SCAF4: variants seen among roughly 807,000 people sequenced by gnomAD.
SCAF4 encodes SR-related CTD associated factor 4.
A neutral mutation model predicts 129.8 loss-of-function variants in SCAF4; 25 were observed. The observed-to-expected ratio is 0.19, with a 90% CI of 0.14 to 0.27. The LOEUF is 0.27. SCAF4 is among the 10% of genes least tolerant of loss of function. The pLI is 1.00. For synonymous variants in SCAF4, 551 were observed against 497.7 expected, an observed-to-expected ratio of 1.11 and a Z score of -1.43; for missense variants, 1,246 against 1,457.1, an observed-to-expected ratio of 0.86 and a Z score of 2.36.
intron 3 of SCAF4, 104 bp downstream of exon 3, chr21:31,705,319 A>T: frequency 1.7e-6 from 1 of 573,818 alleles, no homozygotes; most frequent in Non-Finnish European, 3.0e-6. Context: ...CTAGTGACTA[A>T]ATTTTTATGA....
chr21:31,712,188 T>G (rs1211491418), intron 1 of SCAF4, among the ~76,000 whole-genome samples: 16 of 151,732 alleles, frequency 1.1e-4, no homozygotes, highest in Non-Finnish European at 2.2e-4. Flanking sequence ...CTGTTGCCAG[T>G]TCTGCTGAGT....
At chr21:31,675,537 C>T (rs2049831593) in intron 19 of SCAF4, among the ~76,000 whole-genome samples, 2 of 152,062 alleles carry the variant, frequency 1.3e-5, no homozygotes, top group Admixed American at 6.6e-5. Context: ...CTTAACTGAG[C>T]GGATGCAGCT....
In SCAF4 at chr21:31,671,125, ATAG is replaced by A. The variant is rs1197079564; in HGVS notation, c.*271_*273del. 352 of 292,920 alleles carry A rather than the reference ATAG, an allele frequency of 1.2e-3. No homozygotes were observed. The highest frequency in any genetic ancestry group is 2.1e-3 in the South Asian group (18 of 8,452). The allele number at this position is 292,920 out of a possible 1,614,324, so 18.1% of individuals were successfully genotyped here. ...TCTTAAATTAAAAAAAAAAAAAAAA[ATAG>A]AGAGCACTTCTAATTACGATTTGTA... On this transcript the variant is annotated 3_prime_UTR_variant, in exon 20 of 20. Transcript: ENST00000286835.
At chr21:31,720,419 A>C (rs181867627) in intron 1 of SCAF4, among the ~76,000 whole-genome samples, 99 of 152,332 alleles carry the variant, frequency 6.5e-4, no homozygotes, top group African/African-American at 2.3e-3. Flanking sequence ...AAGTCCTTCC[A>C]AAAGTACACA....
intron 9 of SCAF4, among the ~76,000 whole-genome samples, chr21:31,695,394 AT>A (rs2050360117): frequency 6.6e-6 from 1 of 152,194 alleles, no homozygotes; most frequent in African/African-American, 2.4e-5. Flanking sequence ...TTAAAAAAAA[AT>A]AACCAAGGGG....
intron 19 of SCAF4, among the ~76,000 whole-genome samples, chr21:31,679,715 TA>T (rs1187762209): frequency 6.6e-6 from 1 of 152,226 alleles, no homozygotes; most frequent in African/African-American, 2.4e-5. Context: ...CATAAGGGTA[TA>T]TTTTGATAAC....
At chr21:31,692,541 T>C (rs1212791552) in intron 12 of SCAF4, 92 bp from the exon 13 acceptor site, 2 of 791,240 alleles carry the variant, frequency 2.5e-6, no homozygotes, top group East Asian at 2.7e-5. Context: ...AAAATATTCA[T>C]GAACTATATT....
intron 13 of SCAF4, 85 bp from the exon 14 acceptor site, chr21:31,692,015 C>A: frequency 2.9e-6 from 2 of 688,388 alleles, no homozygotes; most frequent in Non-Finnish European, 2.5e-6. Flanking sequence ...TTCCAACAAT[C>A]CCATCCCTCA....
intron 4 of SCAF4, 129 bp from the exon 5 acceptor site, chr21:31,702,508 G>GA (rs60360895): frequency 0.019 from 11,466 of 597,214 alleles, no homozygotes; most frequent in South Asian, 0.027. Flanking sequence ...CATAAACAAG[G>GA]AAAAAAAAAA....
At chr21:31,716,164 CT>C (rs59509022) in intron 1 of SCAF4, among the ~76,000 whole-genome samples, 2,351 of 152,204 alleles carry the variant, frequency 0.015, 63 homozygotes, top group African/African-American at 0.054. Flanking sequence ...CTTTCTGAAT[CT>C]TTCTCAATGG....
At chr21:31,705,348 A>C in intron 3 of SCAF4, 75 bp downstream of exon 3, 1 of 701,560 alleles carries the variant, frequency 1.4e-6, no homozygotes, top group South Asian at 2.0e-5. Flanking sequence ...AGAAACAAGC[A>C]TTGAGATTAA....
chr21:31,718,546 T>C (rs2050994401), intron 1 of SCAF4, among the ~76,000 whole-genome samples: 1 of 152,168 alleles, frequency 6.6e-6, no homozygotes, highest in African/African-American at 2.4e-5. Flanking sequence ...TTTGCCAGTC[T>C]CAGCCTCCCA....
At position 31,703,264 on chromosome 21, in the gene SCAF4, C is replaced by G. The variant is rs367897344; in HGVS notation, c.321+501G>C. Among the ~76,000 whole-genome samples the G allele has an allele frequency of 7.9e-5, 12 of 152,054 alleles. No homozygotes were observed. The East Asian group carries it at 9.6e-4, about 12-fold the overall frequency. ...ACTCAACTACACAAGCACATCTTTC[C>G]AACGATATCTTCTTTAAAGATGATG... On this transcript the variant is annotated intron_variant, in intron 4 of 19. Coordinates refer to ENST00000286835, the MANE Select transcript of SCAF4 (RefSeq NM_020706.2).
At position 31,688,468 on chromosome 21, in the gene SCAF4, T is replaced by C; in HGVS notation, c.1886-4A>G. On this transcript the variant is annotated splice_polypyrimidine_tract_variant and splice_region_variant and intron_variant, in intron 15 of 19. Transcript: ENST00000286835. ...TTCTTAGGAATTCCTTTCCAATCTG[T>C]GAGCGTGAAAGAAATTTAACAAGAG... 1 of 1,611,800 alleles carries C rather than the reference T, an allele frequency of 6.2e-7. No homozygotes were observed. The highest frequency in any genetic ancestry group is 8.5e-7 in the Non-Finnish European group (1 of 1,178,540).
At chr21:31,698,745 G>A (rs1235195236) in intron 7 of SCAF4, among the ~76,000 whole-genome samples, 1 of 152,178 alleles carries the variant, frequency 6.6e-6, no homozygotes, top group African/African-American at 2.4e-5. Flanking sequence ...CAGTGCAACA[G>A]AGAAACCCTG....
intron 1 of SCAF4, among the ~76,000 whole-genome samples, chr21:31,730,989 T>C (rs1568874152): frequency 6.6e-6 from 1 of 152,194 alleles, no homozygotes; most frequent in Non-Finnish European, 1.5e-5. Context: ...TTCAACTTTT[T>C]AGGCGTCACG....
In SCAF4 at chr21:31,694,964, T is replaced by C; in HGVS notation, c.1085A>G (p.Asn362Ser). 1 of 1,613,866 alleles carries C rather than the reference T, an allele frequency of 6.2e-7. No individual in the cohort carries two copies. Among genetic ancestry groups the C allele is most frequent in the Non-Finnish European group, 8.5e-7 (1 of 1,179,828 alleles). Reference protein sequence around the residue: ...PMHHQVPLPPNGQMPGFGLLP... With the variant: ...PMHHQVPLPPSGQMPGFGLLP... ...AAGTCCAAATCCTGGCATTTGTCCA[T>C]TAGGAGGAAGTGGAACCTTTCATTT... The change falls in exon 10 of 20, where the codon AAT becomes AGT. Residue 362 changes from asparagine to serine, a missense_variant. Transcript: ENST00000286835.
rs762290306 is a variant in SCAF4, at chr21:31,703,881, T to C, written c.205A>G (p.Ile69Val). Residue 69 changes from isoleucine (I) to valine (V), a missense_variant, in exon 4 of 20, where the codon ATT (isoleucine) becomes GTT (valine). Coordinates refer to ENST00000286835, the MANE Select transcript of SCAF4 (RefSeq NM_020706.2). ...KVPGLYVIDS[I>V]VRQSRHQFGT... ...AACTGATGACGAGACTGTCGCACAA[T>C]TGAGTCAATTACATATAATCCCGGA... 7 of 1,596,598 alleles carry C rather than the reference T, an allele frequency of 4.4e-6. No homozygotes were observed. Among genetic ancestry groups the C allele is most frequent in the African/African-American group, 1.3e-5 (1 of 74,738 alleles).
Position 31,701,016 on chromosome 21 carries a change from T to C in SCAF4, c.756A>G (p.Glu252=), listed in dbSNP as rs781219794. 6 of 1,613,944 alleles carry C rather than the reference T, an allele frequency of 3.7e-6. No individual in the cohort carries two copies. The highest frequency in any genetic ancestry group is 3.3e-5 in the Admixed American group (2 of 59,988). The change falls in exon 7 of 20, where the codon GAA becomes GAG. Residue 252 remains glutamate, a synonymous_variant. Coordinates refer to ENST00000286835, the MANE Select transcript of SCAF4 (RefSeq NM_020706.2). ...ATACCTTGTCAAATGCAGTTTTCTGTTCAGGTGGGGGGAAAGCAGCTTTTT... is the reference window on the plus strand; with the variant it reads ...ATACCTTGTCAAATGCAGTTTTCTGCTCAGGTGGGGGGAAAGCAGCTTTTT... ...SEQKAAFPPP[E]QKTAFDKKLL... is the part of the protein sequence containing the mutation.
Sources: gnomAD v4.1 joint callset for allele counts (sites outside exome capture counted in the v4.1 genomes callset) on GRCh38, gnomAD v4.1.1 for gene constraint, MANE v1.5 for transcripts, NCBI Gene and HGNC (gene_info 2026-07-23, HGNC 2026-07-21) for gene names.